CCR3: variants seen among roughly 807,000 people sequenced by gnomAD.
CCR3 encodes the protein C-C chemokine receptor type 3.
For synonymous variants in CCR3, 203 were observed against 179.2 expected, an observed-to-expected ratio of 1.13 and a Z score of -1.06; for missense variants, 419 against 437.5, an observed-to-expected ratio of 0.96 and a Z score of 0.38.
intron 1 of CCR3, chr3:46,264,556 A>G (rs145945709): frequency 4.3e-6 from 3 of 691,304 alleles, no homozygotes; most frequent in Non-Finnish European, 7.2e-6. Flanking sequence ...TCTAGCCCAA[A>G]TTTTATATTT....
At chr3:46,247,053 C>T (rs959898351) in intron 1 of CCR3, among the ~76,000 whole-genome samples, 11 of 151,232 alleles carry the variant, frequency 7.3e-5, no homozygotes, top group Non-Finnish European at 1.2e-4. Context: ...GTCTAAGAAT[C>T]GGGAGGACCT....
chr3:46,258,570 C>T (rs1448013525), intron 1 of CCR3, among the ~76,000 whole-genome samples: 5 of 152,134 alleles, frequency 3.3e-5, no homozygotes, highest in South Asian at 2.1e-4. Context: ...GTCATCCTCT[C>T]GCTTGAACTG....
At chr3:46,233,540 T>C (rs1346801167) in intron 2 of CCR3, among the ~76,000 whole-genome samples, 7 of 152,120 alleles carry the variant, frequency 4.6e-5, no homozygotes, top group Non-Finnish European at 1.0e-4. Context: ...GGCTCTTTTT[T>C]CCCGCCCCCC....
chr3:46,241,470 C>T (rs1023250173), upstream of CCR3, among the ~76,000 whole-genome samples: 1 of 152,208 alleles, frequency 6.6e-6, no homozygotes, highest in African/African-American at 2.4e-5. Context: ...ACGCTTTGCC[C>T]TGAGACATGG....
At chr3:46,258,946 T>C (rs901355068) in intron 1 of CCR3, among the ~76,000 whole-genome samples, 2 of 152,226 alleles carry the variant, frequency 1.3e-5, no homozygotes, top group African/African-American at 4.8e-5. Flanking sequence ...CTCTAAGATT[T>C]AGGGCTACAA....
chr3:46,262,236 A>G (rs1014902918), intron 1 of CCR3, among the ~76,000 whole-genome samples: 1 of 152,250 alleles, frequency 6.6e-6, no homozygotes, highest in Non-Finnish European at 1.5e-5. Flanking sequence ...TTGGACTAAA[A>G]TGTGTGAATC....
chr3:46,253,913 T>C (rs1301242706), intron 1 of CCR3, among the ~76,000 whole-genome samples: 2 of 151,764 alleles, frequency 1.3e-5, no homozygotes, highest in Non-Finnish European at 2.9e-5. Flanking sequence ...ATTTCCAAGA[T>C]GTAAGGTTTA....
chr3:46,221,131 CT>C, intron 2 of CCR3, among the ~76,000 whole-genome samples: 1 of 152,214 alleles, frequency 6.6e-6, no homozygotes. Flanking sequence ...ACAACTTGAA[CT>C]TGGCCACGGA....
At chr3:46,211,266 A>G (rs1699710341) in intron 2 of CCR3, among the ~76,000 whole-genome samples, 1 of 147,510 alleles carries the variant, frequency 6.8e-6, no homozygotes, top group African/African-American at 2.5e-5. Flanking sequence ...TAGCATGATC[A>G]TGGCTCACTG....
At chr3:46,244,939 C>T (rs568419805) in intron 1 of CCR3, among the ~76,000 whole-genome samples, 8 of 152,272 alleles carry the variant, frequency 5.3e-5, no homozygotes, top group African/African-American at 1.9e-4. Flanking sequence ...GACTATCCCA[C>T]AACCATGTTA....
intron 2 of CCR3, among the ~76,000 whole-genome samples, chr3:46,222,070 T>TCCCA (rs753224304): frequency 2.0e-5 from 3 of 152,190 alleles, no homozygotes. Flanking sequence ...TAGGCAGGCC[T>TCCCA]CCCAGGCTGT....
chr3:46,238,254 T>TA (rs11373619), upstream of CCR3, among the ~76,000 whole-genome samples: 114,081 of 150,662 alleles, frequency 0.76, 43,669 homozygotes, highest in East Asian at 0.92. Flanking sequence ...ATTGTCAATT[T>TA]AAAAAAAAAA....
chr3:46,263,824 T>G (rs1250290477), intron 1 of CCR3: 2 of 153,016 alleles, frequency 1.3e-5, no homozygotes, highest in Non-Finnish European at 2.9e-5. Context: ...TCACTGACTT[T>G]GACTACCCAG....
chr3:46,215,797 A>C (rs1019742995), intron 2 of CCR3, among the ~76,000 whole-genome samples: 1 of 152,252 alleles, frequency 6.6e-6, no homozygotes, highest in Non-Finnish European at 1.5e-5. Context: ...GCCACAGAGC[A>C]ACCCAGCACA....
chr3:46,255,998 A>G (rs1254243016), intron 1 of CCR3, among the ~76,000 whole-genome samples: 1 of 151,454 alleles, frequency 6.6e-6, no homozygotes, highest in Non-Finnish European at 1.5e-5. Context: ...CAGTATGGTC[A>G]TTTTCACAAT....
At chr3:46,214,932 G>T (rs982350391) in intron 2 of CCR3, among the ~76,000 whole-genome samples, 2 of 152,168 alleles carry the variant, frequency 1.3e-5, no homozygotes, top group Non-Finnish European at 2.9e-5. Context: ...AGTTTCTGGG[G>T]TGGTTCCTGC....
intron 1 of CCR3, among the ~76,000 whole-genome samples, chr3:46,245,364 G>A (rs1700169836): frequency 6.8e-6 from 1 of 148,004 alleles, no homozygotes; most frequent in South Asian, 2.2e-4. Flanking sequence ...TCAAATTTCT[G>A]CTCTATGAGA....
upstream of CCR3, among the ~76,000 whole-genome samples, chr3:46,238,935 CAG>C (rs1382667458): frequency 2.0e-5 from 3 of 152,106 alleles, no homozygotes; most frequent in East Asian, 5.8e-4. Context: ...TTGCCTGGGA[CAG>C]GGGATAAGGG....
chr3:46,251,831 T>C (rs1462204934), intron 1 of CCR3, among the ~76,000 whole-genome samples: 1 of 151,942 alleles, frequency 6.6e-6, no homozygotes, highest in Admixed American at 6.6e-5. Flanking sequence ...TCAGTGGGGG[T>C]GATTTAAAAT....
Sources: allele counts gnomAD v4.1 joint callset (sites outside exome capture counted in the v4.1 genomes callset), GRCh38; gene constraint gnomAD v4.1.1; transcripts MANE v1.5; gene names NCBI Gene and HGNC (gene_info 2026-07-23, HGNC 2026-07-21).